The following FBXW11 variants were observed in gnomAD, a reference collection of about 807,000 sequenced individuals.
FBXW11 encodes F-box and WD repeat domain containing 11.
FBXW11 carries 19 observed loss-of-function variants against 77.6 expected under a neutral mutation model. That is an observed-to-expected ratio of 0.24 (90% CI 0.17 to 0.36). FBXW11 has a LOEUF of 0.36. Among genes scored for constraint, FBXW11 ranks in the 10% least tolerant of loss-of-function variants. The pLI, the probability that FBXW11 is intolerant of heterozygous loss-of-function variation, is 1.00. For synonymous variants in FBXW11, 235 were observed against 249.4 expected (o/e 0.94, Z 0.54); for missense variants, 334 against 704.2 (o/e 0.47, Z 5.95).
chr5:171,977,638 T>A (rs1319534224), intron 1 of FBXW11: 1 of 451,100 alleles, frequency 2.2e-6, no homozygotes, highest in African/African-American at 2.0e-5. Flanking sequence ...GGACTTACAG[T>A]TCCACATGGA....
intron 2 of FBXW11, among the ~76,000 whole-genome samples, chr5:171,935,592 A>C (rs1762431649): frequency 6.6e-6 from 1 of 152,084 alleles, no homozygotes; most frequent in South Asian, 2.1e-4. Flanking sequence ...TCCCCACCCC[A>C]AATTTTTTTT....
rs373380893 is a variant in FBXW11, at chr5:171,876,235, G to A, written c.1221+50C>T. ...TATAAGCCACCTCTGCTTTGTCTCT[G>A]TTCTAAAAGGGACAGGAACAGGTAG... On this transcript the variant is annotated intron_variant, in intron 9 of 13. Transcript: ENST00000517395. This position sits in a 1 kb window ranked among gnomAD's most constrained non-coding sequence, Gnocchi z 4.2. The A allele has an allele frequency of 3.7e-6, 6 of 1,605,320 alleles. No homozygotes were observed. The highest frequency in any genetic ancestry group is 5.1e-6 in the Non-Finnish European group (6 of 1,174,764).
At chr5:171,964,553 T>G (rs1015489089) in intron 1 of FBXW11, among the ~76,000 whole-genome samples, 1 of 152,234 alleles carries the variant, frequency 6.6e-6, no homozygotes, top group African/African-American at 2.4e-5. Flanking sequence ...TTGTGTCTCA[T>G]CTCTCAGCCT....
chr5:171,977,851 C>G (rs1321071952), intron 1 of FBXW11: 1 of 228,148 alleles, frequency 4.4e-6, no homozygotes, highest in African/African-American at 2.4e-5. Flanking sequence ...CACGGGGTCC[C>G]TCCCACAACA....
chr5:171,889,014 T>C (rs1759112395), intron 7 of FBXW11, among the ~76,000 whole-genome samples: 1 of 152,104 alleles, frequency 6.6e-6, no homozygotes, highest in Admixed American at 6.5e-5. Context: ...TGTGGAACAA[T>C]ATCAAAAGAT....
At chr5:171,978,940 A>G (rs1346367364) in intron 1 of FBXW11, among the ~76,000 whole-genome samples, 1 of 152,162 alleles carries the variant, frequency 6.6e-6, no homozygotes, top group Admixed American at 6.5e-5. Flanking sequence ...AGATTTTTTG[A>G]TTTATTAAAA....
chr5:171,982,928 G>C (rs1765227777), intron 1 of FBXW11, among the ~76,000 whole-genome samples: 1 of 152,178 alleles, frequency 6.6e-6, no homozygotes, highest in Admixed American at 6.5e-5. Context: ...TAAGATGTGA[G>C]CAGTGGCTCA....
chr5:171,919,721 G>A (rs926342805), intron 2 of FBXW11, among the ~76,000 whole-genome samples: 2 of 152,106 alleles, frequency 1.3e-5, no homozygotes, highest in African/African-American at 4.8e-5. Flanking sequence ...CTTGCCTTGG[G>A]TTACACATCA....
intron 4 of FBXW11, chr5:171,908,660 G>A (rs1760684247): frequency 6.6e-6 from 1 of 152,218 alleles, no homozygotes; most frequent in African/African-American, 2.4e-5. Context: ...ATTTTTCTAA[G>A]CTAACTCTCA....
chr5:171,876,376 C>A lies in FBXW11; in HGVS notation c.1130G>T (p.Arg377Leu). Residue 377 changes from arginine (R) to leucine (L), a missense_variant, in exon 9 of 14, where the codon CGC (arginine) becomes CTC (leucine). Arg to Leu is a moderately radical substitution (Grantham distance 102, BLOSUM62 -2). Around this residue, in one of 10 missense-constraint regions of FBXW11, gnomAD observed 50 missense variants for 119.6 expected, o/e 0.42. Transcript: ENST00000517395. The surrounding 1 kb of genome is among the most constrained non-coding windows in gnomAD (Gnocchi z 4.2). ...DMASATDITL[R>L]RVLVGHRAAV... ...AGCCCGGTGGCCAACCAGGACACGG[C>A]GTAAAGTGATGTCGGTCGCAGAAGC... 1 of 1,614,068 alleles carries A rather than the reference C, an allele frequency of 6.2e-7. No individual in the cohort carries two copies. The highest frequency in any genetic ancestry group is 8.5e-7 in the Non-Finnish European group (1 of 1,180,000).
intron 9 of FBXW11, among the ~76,000 whole-genome samples, chr5:171,875,446 G>C (rs1758016081): frequency 1.3e-5 from 2 of 152,290 alleles, no homozygotes; most frequent in Admixed American, 6.5e-5. Context: ...ACCAGGGACT[G>C]GGAAGAAACA....
intron 1 of FBXW11, chr5:171,977,858 AAC>A (rs1473973396): frequency 1.4e-5 from 3 of 216,840 alleles, no homozygotes; most frequent in Admixed American, 5.8e-5. Flanking sequence ...TCCCTCCCAC[AAC>A]ACATGGGAAT....
intron 1 of FBXW11, among the ~76,000 whole-genome samples, chr5:171,991,173 A>T (rs1052447685): frequency 1.3e-5 from 2 of 152,144 alleles, no homozygotes; most frequent in Non-Finnish European, 2.9e-5. Flanking sequence ...TTCATTCAAA[A>T]AATTTGTCGA....
intron 2 of FBXW11, among the ~76,000 whole-genome samples, chr5:171,919,718 TG>T (rs1274424713): frequency 6.6e-6 from 1 of 152,202 alleles, no homozygotes; most frequent in Non-Finnish European, 1.5e-5. Flanking sequence ...CAACTTGCCT[TG>T]GGTTACACAT....
intron 1 of FBXW11, among the ~76,000 whole-genome samples, chr5:171,961,075 A>G (rs936817157): frequency 1.3e-5 from 2 of 152,212 alleles, no homozygotes; most frequent in African/African-American, 4.8e-5. Flanking sequence ...AATCCTACAC[A>G]ATAGACATTA....
chr5:171,892,622 T>C (rs764565523), intron 6 of FBXW11, among the ~76,000 whole-genome samples: 4 of 152,218 alleles, frequency 2.6e-5, no homozygotes, highest in Non-Finnish European at 5.9e-5. Flanking sequence ...ATGAGCTCTA[T>C]AGCCTGAGAC....
intron 3 of FBXW11, among the ~76,000 whole-genome samples, chr5:171,911,317 G>T (rs1454127363): frequency 6.6e-6 from 1 of 152,212 alleles, no homozygotes; most frequent in African/African-American, 2.4e-5. Flanking sequence ...ACAGATTGCT[G>T]GGTCCCACCC....
chr5:171,869,722 C>A lies in FBXW11; in HGVS notation c.1530+7G>T. 1 of 1,603,688 alleles carries A rather than the reference C, an allele frequency of 6.2e-7. No homozygotes were observed. The highest frequency in any genetic ancestry group is 1.1e-5 in the South Asian group (1 of 89,860). Reference sequence around the variant, plus strand: ...GGAACCAATTCCCGTCTCAAGAGATCACATACCACCAATGTGCGCAAACAC... The same window carrying A: ...GGAACCAATTCCCGTCTCAAGAGATAACATACCACCAATGTGCGCAAACAC... On this transcript the variant is annotated splice_region_variant and intron_variant, in intron 12 of 13. Coordinates refer to ENST00000517395, the MANE Select transcript of FBXW11 (RefSeq NM_001378974.1). This position sits in a 1 kb window ranked among gnomAD's most constrained non-coding sequence, Gnocchi z 4.1.
intron 2 of FBXW11, among the ~76,000 whole-genome samples, chr5:171,927,007 T>C (rs778148626): frequency 4.6e-5 from 7 of 151,852 alleles, no homozygotes; most frequent in Non-Finnish European, 7.4e-5. Flanking sequence ...CTCACATGCA[T>C]ACAAAGAAAT....
Sources: allele counts gnomAD v4.1 joint callset (sites outside exome capture counted in the v4.1 genomes callset), GRCh38; gene constraint gnomAD v4.1.1; regional missense constraint gnomAD v4.1.1; non-coding constraint Gnocchi (gnomAD v3.1); transcripts MANE v1.5; gene names NCBI Gene and HGNC (gene_info 2026-07-23, HGNC 2026-07-21).